Variants in NAV3 observed in about 807,000 individuals in gnomAD.
The protein encoded by NAV3 is pore membrane and/or filament interacting like protein 1.
NAV3 carries 87 observed loss-of-function variants against 244.7 expected under a neutral mutation model. The observed-to-expected ratio is 0.36, with a 90% CI of 0.30 to 0.42. The LOEUF (loss-of-function observed/expected upper bound fraction) is 0.42, where lower values mean the gene tolerates loss of function less well. NAV3 is among the 20% of genes least tolerant of loss of function. The pLI is 1.00. For missense variants in NAV3, 2,663 were observed against 2,893.3 expected, an observed-to-expected ratio of 0.92 and a Z score of 1.83; for synonymous variants, 1,126 against 1,042.2, an observed-to-expected ratio of 1.08 and a Z score of -1.55.
intron 2 of NAV3, among the ~76,000 whole-genome samples, chr12:77,770,231 T>A (rs1426839920): frequency 6.6e-6 from 1 of 152,098 alleles, no homozygotes; most frequent in Non-Finnish European, 1.5e-5. Flanking sequence ...AGGAGAATAT[T>A]TGTAGGAGTG....
At chr12:77,667,152 G>C (rs989313436) in intron 2 of NAV3, among the ~76,000 whole-genome samples, 1 of 152,212 alleles carries the variant, frequency 6.6e-6, no homozygotes, top group African/African-American at 2.4e-5. Context: ...GGCAGGACTA[G>C]CTTGCAGCTC....
At chr12:77,721,271 T>TACAGGACAGATCCAAAAGATGTAG (rs1876619311) in intron 2 of NAV3, among the ~76,000 whole-genome samples, 3 of 152,152 alleles carry the variant, frequency 2.0e-5, no homozygotes, top group Non-Finnish European at 4.4e-5. Flanking sequence ...ATATAATAAC[T>TACAGGACAGATCCAAAAGATGTAG]ACAGGACAGA....
At chr12:77,845,951 C>CTGAT (rs1397965640) in intron 1 of NAV3, among the ~76,000 whole-genome samples, 1 of 152,160 alleles carries the variant, frequency 6.6e-6, no homozygotes, top group Non-Finnish European at 1.5e-5. Context: ...CTGGGCCTGG[C>CTGAT]TGATTAGTTT....
intron 2 of NAV3, among the ~76,000 whole-genome samples, chr12:77,816,516 G>A (rs1375328833): frequency 6.6e-6 from 1 of 152,162 alleles, no homozygotes; most frequent in Non-Finnish European, 1.5e-5. Context: ...CAAATTACCA[G>A]GCAAAGCACA....
chr12:77,895,854 T>G (rs1195515686), intron 1 of NAV3, among the ~76,000 whole-genome samples: 1 of 147,340 alleles, frequency 6.8e-6, no homozygotes, highest in African/African-American at 2.5e-5. Context: ...AAAGAACTCA[T>G]ATAAAAGTAT....
chr12:77,637,403 C>G (rs891990970), intron 2 of NAV3, among the ~76,000 whole-genome samples: 5 of 152,102 alleles, frequency 3.3e-5, no homozygotes, highest in Admixed American at 3.3e-4. Flanking sequence ...ACTTCTTTGT[C>G]TTCAGGGCTA....
chr12:77,937,054 C>T (rs1431266148), intron 1 of NAV3, among the ~76,000 whole-genome samples: 2 of 152,138 alleles, frequency 1.3e-5, no homozygotes, highest in Non-Finnish European at 2.9e-5. Flanking sequence ...TTTTCCCTCT[C>T]TTGTCATTTC....
intron 37 of NAV3, 104 bp from the exon 38 acceptor site, chr12:78,200,369 A>T: frequency 1.6e-6 from 1 of 612,518 alleles, no homozygotes; most frequent in Non-Finnish European, 2.6e-6. Context: ...ACAATTTTCT[A>T]GGAATTTTGC....
intron 38 of NAV3, among the ~76,000 whole-genome samples, chr12:78,201,215 C>T (rs756643450): frequency 9.2e-5 from 14 of 151,486 alleles, no homozygotes; most frequent in Non-Finnish European, 1.8e-4. Flanking sequence ...AGGCACACAC[C>T]ACCACACTCA....
intron 11 of NAV3, among the ~76,000 whole-genome samples, chr12:78,053,090 G>A (rs952351058): frequency 8.6e-5 from 13 of 151,958 alleles, no homozygotes; most frequent in African/African-American, 3.1e-4. Flanking sequence ...GCTTGTGCCT[G>A]TATTCCCAGC....
rs142176057 is a variant in NAV3 at position 77,682,837 on chromosome 12, T to G, written c.72+110571T>G. Among the ~76,000 whole-genome samples the G allele has an allele frequency of 4.4e-3, 663 of 152,236 alleles. 2 individuals carry two copies. The highest frequency in any genetic ancestry group is 6.7e-3 in the Non-Finnish European group (453 of 67,978). On this transcript the variant is annotated intron_variant, in intron 2 of 8. Coordinates refer to the NAV3 transcript ENST00000550042. ...ACTGTGTACTCAGGTCCTTCACACA[T>G]TTTTTTAATTGTATTATTTGTTTTG...
chr12:77,872,563 C>T (rs1881134865), intron 1 of NAV3, among the ~76,000 whole-genome samples: 1 of 152,066 alleles, frequency 6.6e-6, no homozygotes, highest in Non-Finnish European at 1.5e-5. Context: ...AGTCCAGGAT[C>T]CAAGGTCTAG....
Position 77,596,158 on chromosome 12 carries a change from T to G in NAV3, c.72+23892T>G, listed in dbSNP as rs533289590. Among the ~76,000 whole-genome samples the G allele has an allele frequency of 1.4e-4, 21 of 152,300 alleles. No individual in the cohort carries two copies. In the South Asian group the frequency reaches 4.1e-3, roughly 30 times the overall value. On this transcript the variant is annotated intron_variant, in intron 2 of 8. Coordinates refer to the NAV3 transcript ENST00000550042. Reference sequence around the variant, plus strand: ...ATCACAGCTCTGGTACTTTCCTCGCTGTTTGACCTTGCATAAGAGGCTTGA... The same window carrying G: ...ATCACAGCTCTGGTACTTTCCTCGCGGTTTGACCTTGCATAAGAGGCTTGA...
intron 12 of NAV3, among the ~76,000 whole-genome samples, chr12:78,062,232 A>G (rs1214855452): frequency 6.6e-6 from 1 of 152,152 alleles, no homozygotes; most frequent in Non-Finnish European, 1.5e-5. Context: ...AATATATCAG[A>G]TAAATTGTGG....
chr12:78,131,285 A>G (rs1261932178), intron 18 of NAV3, among the ~76,000 whole-genome samples: 1 of 152,216 alleles, frequency 6.6e-6, no homozygotes, highest in Non-Finnish European at 1.5e-5. Flanking sequence ...TCATGGTTTC[A>G]TATAAGCTAA....
chr12:77,992,759 C>G (rs1415289632), intron 5 of NAV3, among the ~76,000 whole-genome samples: 4 of 152,068 alleles, frequency 2.6e-5, no homozygotes, highest in Non-Finnish European at 5.9e-5. Context: ...GATGTGGAAA[C>G]AAGCACCCCA....
intron 5 of NAV3, among the ~76,000 whole-genome samples, chr12:77,986,175 A>C (rs1480709248): frequency 6.6e-6 from 1 of 152,196 alleles, no homozygotes; most frequent in Non-Finnish European, 1.5e-5. Context: ...TAGTCTAGCC[A>C]ACATGGTAAA....
At chr12:78,052,442 G>A (rs1882895046) in intron 11 of NAV3, among the ~76,000 whole-genome samples, 2 of 152,130 alleles carry the variant, frequency 1.3e-5, no homozygotes, top group African/African-American at 4.8e-5. Flanking sequence ...GACCCCTTCG[G>A]AACCTAACGT....
chr12:77,867,595 C>T (rs1880270305), intron 1 of NAV3, among the ~76,000 whole-genome samples: 1 of 151,864 alleles, frequency 6.6e-6, no homozygotes, highest in Non-Finnish European at 1.5e-5. Context: ...AATTTTTTTG[C>T]ATTTTTACTA....
Sources: gnomAD v4.1 joint callset for allele counts (sites outside exome capture counted in the v4.1 genomes callset) on GRCh38, gnomAD v4.1.1 for gene constraint, MANE v1.5 for transcripts, NCBI Gene and HGNC (gene_info 2026-07-23, HGNC 2026-07-21) for gene names.